Variants in VRK2 observed in about 807,000 individuals in gnomAD.
VRK2 encodes serine/threonine-protein kinase VRK2.
VRK2 carries 60 observed loss-of-function variants against 57.6 expected under a neutral mutation model. The observed-to-expected ratio is 1.04, with a 90% CI of 0.85 to 1.29. VRK2 has a LOEUF of 1.29. Among genes scored for constraint, VRK2 ranks in the 50% most tolerant of loss-of-function variants. VRK2 has a pLI of 0.00. For synonymous variants in VRK2, 231 were observed against 199.2 expected, an observed-to-expected ratio of 1.16 and a Z score of -1.35; for missense variants, 705 against 588.1, an observed-to-expected ratio of 1.20 and a Z score of -2.06.
chr2:58,102,492 TAAAA>T (rs570889511), intron 7 of VRK2, among the ~76,000 whole-genome samples: 3 of 105,364 alleles, frequency 2.8e-5, no homozygotes, highest in East Asian at 2.8e-4. Flanking sequence ...CAAAAACAGT[TAAAA>T]AAAAAAAAAA....
intron 12 of VRK2, among the ~76,000 whole-genome samples, chr2:58,151,189 T>C (rs1682968485): frequency 6.6e-6 from 1 of 151,820 alleles, no homozygotes; most frequent in African/African-American, 2.4e-5. Flanking sequence ...CCAACTGTAA[T>C]TGTGAATTTA....
chr2:58,010,594 C>A (rs550344086), intron 1 of VRK2, among the ~76,000 whole-genome samples: 1 of 152,234 alleles, frequency 6.6e-6, no homozygotes, highest in African/African-American at 2.4e-5. Flanking sequence ...GAATATAGGT[C>A]TCCATTGGAA....
intron 12 of VRK2, among the ~76,000 whole-genome samples, chr2:58,155,590 G>C (rs1157586464): frequency 6.6e-6 from 1 of 152,100 alleles, no homozygotes; most frequent in African/African-American, 2.4e-5. Flanking sequence ...GTGGGATAGG[G>C]TATCACCTTG....
intron 1 of VRK2, among the ~76,000 whole-genome samples, chr2:57,929,949 C>G (rs992647716): frequency 5.3e-5 from 8 of 152,050 alleles, no homozygotes; most frequent in African/African-American, 1.9e-4. Context: ...AAGGCAAAGT[C>G]TTCTTTACTC....
intron 1 of VRK2, among the ~76,000 whole-genome samples, chr2:57,973,936 T>C (rs1159025292): frequency 6.6e-6 from 1 of 151,758 alleles, no homozygotes; most frequent in Non-Finnish European, 1.5e-5. Context: ...GGAGAAACAC[T>C]TAAACACCTG....
intron 1 of VRK2, among the ~76,000 whole-genome samples, chr2:57,979,591 T>G (rs909976724): frequency 1.4e-5 from 2 of 145,126 alleles, no homozygotes; most frequent in Admixed American, 1.3e-4. Flanking sequence ...CTTGATTTTT[T>G]GGAATAATTT....
intron 10 of VRK2, among the ~76,000 whole-genome samples, chr2:58,136,289 AT>A (rs1390503593): frequency 6.6e-6 from 1 of 152,064 alleles, no homozygotes; most frequent in Non-Finnish European, 1.5e-5. Flanking sequence ...AGAGATCCTC[AT>A]TGTGGGAATG....
intron 2 of VRK2, among the ~76,000 whole-genome samples, chr2:58,065,237 C>G (rs1668453099): frequency 6.6e-6 from 1 of 152,084 alleles, no homozygotes; most frequent in Non-Finnish European, 1.5e-5. Flanking sequence ...AGGACAGATT[C>G]ATCACCCTAA....
chr2:58,042,645 T>G (rs1447251811), upstream of VRK2, among the ~76,000 whole-genome samples: 1 of 152,224 alleles, frequency 6.6e-6, no homozygotes, highest in Non-Finnish European at 1.5e-5. Flanking sequence ...TTTTAACCAG[T>G]GTAAGCATTT....
At position 58,106,465 on chromosome 2, in the gene VRK2, G is replaced by C. The variant is rs113285980; in HGVS notation, c.544-16636G>C. ...ATTACTAAATATACATCAAGGTTTT[G>C]TTTTGATACTTTAATTTATGGCAGT... On this transcript the variant is annotated intron_variant, in intron 7 of 12. Coordinates refer to ENST00000340157, the MANE Select transcript of VRK2 (RefSeq NM_006296.7). Among the ~76,000 whole-genome samples, 164 of 152,068 alleles carry C rather than the reference G, an allele frequency of 1.1e-3. 3 individuals carry two copies. Among genetic ancestry groups the C allele is most frequent in the African/African-American group, 3.8e-3 (156 of 41,522 alleles).
intron 2 of VRK2, among the ~76,000 whole-genome samples, chr2:58,028,903 A>AATAAATAAATAT (rs1553378204): frequency 1.9e-5 from 1 of 54,024 alleles, no homozygotes; most frequent in African/African-American, 6.9e-5. Flanking sequence ...TAAATAAATA[A>AATAAATAAATAT]ATATATATAT....
intron 9 of VRK2, among the ~76,000 whole-genome samples, chr2:58,133,781 C>T (rs893826202): frequency 1.3e-5 from 2 of 152,104 alleles, no homozygotes; most frequent in Non-Finnish European, 2.9e-5. Context: ...ATCCCACAAA[C>T]CTGTTTAATC....
upstream of VRK2, among the ~76,000 whole-genome samples, chr2:58,044,930 G>C (rs1674625865): frequency 6.6e-6 from 1 of 152,094 alleles, no homozygotes; most frequent in Non-Finnish European, 1.5e-5. Context: ...GGAGACCAGG[G>C]ATACTGCTAA....
At chr2:57,952,770 G>A (rs1434655840) in intron 1 of VRK2, among the ~76,000 whole-genome samples, 1 of 151,788 alleles carries the variant, frequency 6.6e-6, no homozygotes, top group Non-Finnish European at 1.5e-5. Context: ...AAAAACAGAG[G>A]GATGTCAAAT....
chr2:58,051,662 G>A (rs1031553790), intron 2 of VRK2, among the ~76,000 whole-genome samples: 4 of 152,208 alleles, frequency 2.6e-5, no homozygotes, highest in African/African-American at 9.7e-5. Flanking sequence ...CTAAGGCTGA[G>A]AAGAAACTAG....
chr2:58,036,083 G>A (rs1674265027), intron 3 of VRK2, among the ~76,000 whole-genome samples: 1 of 151,888 alleles, frequency 6.6e-6, no homozygotes, highest in African/African-American at 2.4e-5. Context: ...GCTAAATAAA[G>A]CGTGGTCTTT....
intron 1 of VRK2, among the ~76,000 whole-genome samples, chr2:57,920,914 C>T (rs893649205): frequency 2.0e-5 from 3 of 151,948 alleles, no homozygotes; most frequent in Non-Finnish European, 2.9e-5. Context: ...AAGCATTTTA[C>T]CTTCATTTAT....
intron 1 of VRK2, among the ~76,000 whole-genome samples, chr2:57,999,974 T>C (rs1673042796): frequency 6.6e-6 from 1 of 152,018 alleles, no homozygotes; most frequent in East Asian, 1.9e-4. Context: ...CAAGACTCCA[T>C]CTCTACAAAA....
At chr2:58,097,319 T>G (rs867307481) in intron 7 of VRK2, among the ~76,000 whole-genome samples, 4 of 152,104 alleles carry the variant, frequency 2.6e-5, no homozygotes, top group Middle Eastern at 3.2e-3. Context: ...TTTTTTTAAA[T>G]AAAAATTATT....
Sources: allele counts gnomAD v4.1 joint callset (sites outside exome capture counted in the v4.1 genomes callset), GRCh38; gene constraint gnomAD v4.1.1; transcripts MANE v1.5; gene names NCBI Gene and HGNC (gene_info 2026-07-23, HGNC 2026-07-21).